GLYR1: variants seen among roughly 807,000 people sequenced by gnomAD.
GLYR1 encodes the protein cytokine-like nuclear factor N-PAC.
In GLYR1, 21 loss-of-function variants were observed where a neutral mutation model predicts 72.7. That is an observed-to-expected ratio of 0.29 (90% CI 0.20 to 0.42). The LOEUF is 0.42. GLYR1 is among the 10% of genes least tolerant of loss of function. GLYR1 has a pLI of 1.00. For synonymous variants in GLYR1, 392 were observed against 270.2 expected, an observed-to-expected ratio of 1.45 and a Z score of -4.42; for missense variants, 594 against 712.1, an observed-to-expected ratio of 0.83 and a Z score of 1.89.
At chr16:4,818,889 A>G (rs1482291725) in intron 9 of GLYR1, among the ~76,000 whole-genome samples, 1 of 151,608 alleles carries the variant, frequency 6.6e-6, no homozygotes, top group African/African-American at 2.4e-5. Flanking sequence ...CCTTCCTTCC[A>G]CAGGTCCTTC....
At chr16:4,812,305 A>C (rs2083363293) in intron 12 of GLYR1, 57 bp from the exon 13 acceptor site, 5 of 1,555,840 alleles carry the variant, frequency 3.2e-6, no homozygotes, top group Non-Finnish European at 4.3e-6. Flanking sequence ...CTCTCTGGGC[A>C]GGACTCAAGG....
At chr16:4,833,777 G>C (rs769468251) in intron 3 of GLYR1, among the ~76,000 whole-genome samples, 2 of 152,160 alleles carry the variant, frequency 1.3e-5, no homozygotes, top group Non-Finnish European at 2.9e-5. Context: ...TCAATTCTGG[G>C]GTTTCTGATC....
intron 14 of GLYR1, 93 bp downstream of exon 14, chr16:4,811,530 G>C: frequency 6.8e-7 from 1 of 1,473,742 alleles, no homozygotes; most frequent in Non-Finnish European, 9.3e-7. Context: ...GACTGACTGG[G>C]GAGGGGCATC....
In GLYR1 at chr16:4,832,125, G is replaced by C. The variant is rs985657445; in HGVS notation, c.391C>G (p.Leu131Val). ...TTCTTCTTCACCTTCCCTTCAGACA[G>C]GCTAAGTTTGCGCTTCTCATCACCT... ...NSGDEKRKLSLSEGKVKKNMG... is the reference protein window; with the variant it reads ...NSGDEKRKLSVSEGKVKKNMG... Residue 131 changes from leucine to valine, a missense_variant, in exon 5 of 16, where the codon CTG (leucine) becomes GTG (valine). This residue lies in a region of GLYR1 where 252 missense variants were observed against 211.3 expected (regional missense o/e 1.19). Coordinates refer to ENST00000321919, the MANE Select transcript of GLYR1 (RefSeq NM_032569.4). 1.9e-6 allele frequency: 3 copies of C among 1,614,054 alleles called. No homozygotes were observed. In the African/African-American group the frequency reaches 4.0e-5, roughly 22 times the overall value.
chr16:4,845,281 A>C (rs1236829384), intron 2 of GLYR1, 128 bp from the exon 3 acceptor site: 30 of 642,818 alleles, frequency 4.7e-5, no homozygotes, highest in Non-Finnish European at 8.0e-5. Flanking sequence ...CTTACAAATA[A>C]ATTTATTTAT....
chr16:4,808,022 G>C (rs540844668), intron 15 of GLYR1, among the ~76,000 whole-genome samples: 4 of 152,076 alleles, frequency 2.6e-5, no homozygotes, highest in Non-Finnish European at 5.9e-5. Context: ...GATTACTTGA[G>C]GCCAGGAGTT....
chr16:4,825,199 A>G (rs562159668), intron 5 of GLYR1, among the ~76,000 whole-genome samples: 1 of 152,318 alleles, frequency 6.6e-6, no homozygotes, highest in Admixed American at 6.5e-5. Flanking sequence ...AGTCTCACAT[A>G]GTAAAGCTAC....
At chr16:4,828,771 CGAT>C (rs1567748101) in intron 5 of GLYR1, among the ~76,000 whole-genome samples, 2 of 152,160 alleles carry the variant, frequency 1.3e-5, no homozygotes, top group Admixed American at 1.3e-4. Context: ...TAATTCCTAA[CGAT>C]GAGACAAGGA....
chr16:4,815,077 A>T lies in GLYR1; in HGVS notation c.907-430T>A, dbSNP rs116152510. Among the ~76,000 whole-genome samples, 1,077 of 150,212 alleles carry T rather than the reference A, an allele frequency of 7.2e-3. 10 individuals are homozygous for T. The highest frequency in any genetic ancestry group is 0.025 in the African/African-American group (1,035 of 40,960). On this transcript the variant is annotated intron_variant, in intron 10 of 15. Transcript: ENST00000321919. Reference sequence around the variant, plus strand: ...TCAACACTGTTGTCAGGTTAATAAGACTTCTGGAAGTGCCTAAAAACACTA... The same window carrying T: ...TCAACACTGTTGTCAGGTTAATAAGTCTTCTGGAAGTGCCTAAAAACACTA...
intron 10 of GLYR1, 142 bp from the exon 11 acceptor site, chr16:4,814,789 G>C (rs1355974645): frequency 1.5e-6 from 1 of 652,098 alleles, no homozygotes. Context: ...ATGGAGATAG[G>C]AGCCCAACTT....
In GLYR1 at chr16:4,812,997, C is replaced by T. The variant is rs895244258; in HGVS notation, c.1119+740G>A. On this transcript the variant is annotated intron_variant, in intron 12 of 15. Coordinates refer to ENST00000321919, the MANE Select transcript of GLYR1 (RefSeq NM_032569.4). Reference sequence around the variant, plus strand: ...TTTTTTTTTGAGACGGAGTCTTGCTCTGTTGCCCAGGCTGGAGTGCAGTGG... The same window carrying T: ...TTTTTTTTTGAGACGGAGTCTTGCTTTGTTGCCCAGGCTGGAGTGCAGTGG... 2.9e-4 allele frequency among the ~76,000 whole-genome samples: 43 copies of T among 150,394 alleles called. 2 individuals carry two copies. In the East Asian group the frequency reaches 5.1e-3, roughly 18 times the overall value.
chr16:4,817,530 G>A (rs1432065216), intron 10 of GLYR1, 68 bp downstream of exon 10: 2 of 902,060 alleles, frequency 2.2e-6, no homozygotes, highest in Non-Finnish European at 3.7e-6. Context: ...GACAACAGGG[G>A]GAGATGTCCA....
chr16:4,806,642 C>G (rs1000418334), intron 15 of GLYR1, among the ~76,000 whole-genome samples: 53 of 152,004 alleles, frequency 3.5e-4, no homozygotes, highest in Admixed American at 9.2e-4. Context: ...CTCGACCTCC[C>G]AAAGTGCTAG....
At chr16:4,838,552 T>A (rs1340948439) in intron 3 of GLYR1, among the ~76,000 whole-genome samples, 2 of 151,896 alleles carry the variant, frequency 1.3e-5, no homozygotes, top group African/African-American at 4.8e-5. Context: ...GAACACTCCC[T>A]CCATTCCATC....
At chr16:4,808,598 C>G (rs1567643022) in intron 15 of GLYR1, among the ~76,000 whole-genome samples, 2 of 151,414 alleles carry the variant, frequency 1.3e-5, no homozygotes. Flanking sequence ...AACTCGGTCT[C>G]TAAAATAAAA....
intron 15 of GLYR1, among the ~76,000 whole-genome samples, chr16:4,808,947 A>G (rs1410619971): frequency 1.3e-5 from 2 of 152,134 alleles, no homozygotes; most frequent in Non-Finnish European, 1.5e-5. Context: ...CCTGGGCAAG[A>G]GAGTGAGACT....
At chr16:4,819,500 G>A (rs1352319791) in intron 9 of GLYR1, among the ~76,000 whole-genome samples, 12 of 152,014 alleles carry the variant, frequency 7.9e-5, no homozygotes, top group Admixed American at 6.6e-4. Context: ...TTGTAGAGAC[G>A]GGGTCTTGCT....
chr16:4,813,822 C>T lies in GLYR1; in HGVS notation c.1034G>A (p.Ser345Asn). The T allele has an allele frequency of 6.2e-7, 1 of 1,612,080 alleles. No homozygotes were observed. The highest frequency in any genetic ancestry group is 8.5e-7 in the Non-Finnish European group (1 of 1,179,004). ...AGGGCGGATCCCTTGCAGCACACCA[C>T]TGGGGCCCAGCACCAGCTGTGGGGA... Reference protein sequence around the residue: ...KAAKDLVLGPSGVLQGIRPGK... With the variant: ...KAAKDLVLGPNGVLQGIRPGK... Residue 345 changes from serine (S) to asparagine (N), a missense_variant, in exon 12 of 16, where the codon AGT becomes AAT. Ser to Asn is a conservative substitution (Grantham distance 46). Around this residue, in one of 5 missense-constraint regions of GLYR1, gnomAD observed 266 missense variants for 358.4 expected, o/e 0.74. Coordinates refer to ENST00000321919, the MANE Select transcript of GLYR1 (RefSeq NM_032569.4).
Position 4,814,699 on chromosome 16 carries a change from T to C in GLYR1, c.907-52A>G, listed in dbSNP as rs767610533. 4.4e-5 allele frequency: 61 copies of C among 1,386,592 alleles called. 1 individual carries two copies. In the South Asian group the frequency reaches 6.4e-4, roughly 15 times the overall value. 85.9% of individuals were successfully genotyped at this position (1,386,592 alleles called of 1,614,324 possible). On this transcript the variant is annotated intron_variant, in intron 10 of 15. Coordinates refer to ENST00000321919, the MANE Select transcript of GLYR1 (RefSeq NM_032569.4). The stretch of plus-strand genomic sequence containing the variant: ...AGCTGCAGGCAGTGCACAACAAACA[T>C]GCCAGCCAGGCCAGAGAATTGCTGA...
Sources: allele counts gnomAD v4.1 joint callset (sites outside exome capture counted in the v4.1 genomes callset), GRCh38; gene constraint gnomAD v4.1.1; regional missense constraint gnomAD v4.1.1; transcripts MANE v1.5; gene names NCBI Gene and HGNC (gene_info 2026-07-23, HGNC 2026-07-21).